The following WDFY1 variants were observed in gnomAD, a reference collection of about 807,000 sequenced individuals.
The protein encoded by WDFY1 is WD repeat and FYVE domain containing 1.
WDFY1 carries 32 observed loss-of-function variants against 56.4 expected under a neutral mutation model. That is an observed-to-expected ratio of 0.57 (90% CI 0.43 to 0.76). The LOEUF (loss-of-function observed/expected upper bound fraction) is 0.76, where lower values mean the gene tolerates loss of function less well. Among genes scored for constraint, WDFY1 ranks in the 30% least tolerant of loss-of-function variants. The probability of loss-of-function intolerance (pLI) is 0.00; values close to 1 mark genes in which losing one functional copy is unlikely to be tolerated. For synonymous variants in WDFY1, 192 were observed against 197.3 expected, an observed-to-expected ratio of 0.97 and a Z score of 0.23; for missense variants, 480 against 545.7, an observed-to-expected ratio of 0.88 and a Z score of 1.20.
chr2:223,927,746 G>A (rs11690082), intron 1 of WDFY1, among the ~76,000 whole-genome samples: 49,162 of 152,014 alleles, frequency 0.32, 9,390 homozygotes, highest in Non-Finnish European at 0.42. Context: ...CCTAGCTTTC[G>A]GCCTGTCTCA....
At chr2:223,888,878 G>C (rs757768664) in intron 8 of WDFY1, among the ~76,000 whole-genome samples, 1 of 146,422 alleles carries the variant, frequency 6.8e-6, no homozygotes, top group Admixed American at 7.0e-5. Flanking sequence ...GTGAGTCACC[G>C]TGCCTGGCCT....
rs1689241826 is a variant in WDFY1, at chr2:223,938,546, CA to C, written c.137+6601del. Among the ~76,000 whole-genome samples the C allele has an allele frequency of 2.0e-5, 3 of 152,276 alleles. No individual in the cohort carries two copies. In the South Asian group the frequency reaches 6.2e-4, roughly 32 times the overall value. On this transcript the variant is annotated intron_variant, in intron 1 of 11. Coordinates refer to ENST00000233055, the MANE Select transcript of WDFY1 (RefSeq NM_020830.5). ...GAGCTTAAGGTAATTATTACTTCAG[CA>C]AAATACTAATGACTTCATACAAGAA...
rs6733516 is a variant in WDFY1 at position 223,931,458 on chromosome 2, A to C, written c.138-13448T>G. ...GCTGAAAGATATGCCTGATGATCATAATAAGTAGAAGGATTCCTTTTTATT... is the reference window on the plus strand; with the variant it reads ...GCTGAAAGATATGCCTGATGATCATCATAAGTAGAAGGATTCCTTTTTATT... On this transcript the variant is annotated intron_variant, in intron 1 of 11. Transcript: ENST00000233055. Among the ~76,000 whole-genome samples the C allele has an allele frequency of 5.9e-5, 9 of 152,324 alleles. 1 individual carries two copies. In the South Asian group the frequency reaches 1.9e-3, roughly 32 times the overall value.
chr2:223,913,614 ACAAAT>A (rs1693739904), intron 2 of WDFY1, among the ~76,000 whole-genome samples: 1 of 152,234 alleles, frequency 6.6e-6, no homozygotes, highest in African/African-American at 2.4e-5. Context: ...CTTATCTTTG[ACAAAT>A]CAAATCATGC....
At chr2:223,906,887 CA>C (rs1350247268) in intron 3 of WDFY1, among the ~76,000 whole-genome samples, 1 of 151,476 alleles carries the variant, frequency 6.6e-6, no homozygotes, top group African/African-American at 2.4e-5. Flanking sequence ...TGTTTTATTG[CA>C]AAAAAATCAA....
Position 223,877,115 on chromosome 2 carries a change from G to A in WDFY1, c.*1556C>T, listed in dbSNP as rs1357301749. 6.6e-6 allele frequency: 1 copy of A among 152,140 alleles called. No individual in the cohort carries two copies. Among genetic ancestry groups the A allele is most frequent in the Non-Finnish European group, 1.5e-5 (1 of 68,038 alleles). 9.4% of individuals were successfully genotyped at this position (152,140 alleles called of 1,614,324 possible). A position where few individuals can be genotyped will look rare whatever the true frequency, so the allele number is the denominator to read the frequency against. On this transcript the variant is annotated 3_prime_UTR_variant, in exon 12 of 12. Transcript: ENST00000233055. ...TTTAATGCAGATCATTCCAGTACAT[G>A]ATGTGCGTGACCCCCTTTCCTTTCC... is the stretch of plus-strand genomic sequence containing the variant.
At chr2:223,884,794 T>C (rs1457209978) in intron 8 of WDFY1, 45 bp from the exon 9 acceptor site, 1 of 1,533,798 alleles carries the variant, frequency 6.5e-7, no homozygotes, top group Non-Finnish European at 9.0e-7. Context: ...TGTCTATATT[T>C]ACTCCCATGT....
At chr2:223,923,079 G>A (rs1166296762) in intron 1 of WDFY1, among the ~76,000 whole-genome samples, 2 of 152,202 alleles carry the variant, frequency 1.3e-5, no homozygotes, top group Non-Finnish European at 2.9e-5. Context: ...CCTTGTCTGG[G>A]AATCAGGTTC....
intron 1 of WDFY1, among the ~76,000 whole-genome samples, chr2:223,930,215 T>C (rs1470210986): frequency 2.0e-5 from 3 of 152,220 alleles, no homozygotes; most frequent in South Asian, 4.1e-4. Context: ...TAAGTGCCTG[T>C]GGTGAAACAA....
At chr2:223,929,159 A>G (rs1694033864) in intron 1 of WDFY1, among the ~76,000 whole-genome samples, 1 of 146,158 alleles carries the variant, frequency 6.8e-6, no homozygotes, top group South Asian at 2.2e-4. Context: ...GTCCCTGTCT[A>G]ACTTCTTTTT....
At chr2:223,901,012 G>T in intron 5 of WDFY1, 171 bp downstream of exon 5, 1 of 765,542 alleles carries the variant, frequency 1.3e-6, no homozygotes, top group Non-Finnish European at 1.9e-6. Flanking sequence ...AAAAGTAATT[G>T]CAATTTTTGC....
At chr2:223,891,782 C>G (rs1693283675) in intron 8 of WDFY1, among the ~76,000 whole-genome samples, 1 of 152,152 alleles carries the variant, frequency 6.6e-6, no homozygotes, top group African/African-American at 2.4e-5. Flanking sequence ...ACAGTCTCCT[C>G]CCCTCATCAT....
chr2:223,882,579 C>A (rs1693091983), intron 9 of WDFY1, among the ~76,000 whole-genome samples: 1 of 152,218 alleles, frequency 6.6e-6, no homozygotes, highest in African/African-American at 2.4e-5. Context: ...CTGTACTGGT[C>A]AAATGTTGCT....
intron 1 of WDFY1, among the ~76,000 whole-genome samples, chr2:223,931,919 C>T (rs1398144845): frequency 2.0e-5 from 3 of 151,944 alleles, no homozygotes; most frequent in Non-Finnish European, 4.4e-5. Flanking sequence ...CTCCTGGCCT[C>T]AAGTGGTCCA....
intron 3 of WDFY1, among the ~76,000 whole-genome samples, chr2:223,909,760 A>G (rs912209844): frequency 1.3e-5 from 2 of 152,100 alleles, no homozygotes; most frequent in African/African-American, 2.4e-5. Context: ...TCTCAACTCA[A>G]GTCCATCCAT....
At chr2:223,899,242 T>C in intron 5 of WDFY1, 172 bp from the exon 6 acceptor site, 1 of 538,146 alleles carries the variant, frequency 1.9e-6, no homozygotes, top group Non-Finnish European at 3.3e-6. Context: ...CTGAAAAGCA[T>C]GCAATATGTA....
intron 1 of WDFY1, among the ~76,000 whole-genome samples, chr2:223,934,357 C>T (rs1053519494): frequency 3.9e-5 from 6 of 152,042 alleles, no homozygotes; most frequent in African/African-American, 1.4e-4. Flanking sequence ...CCGCAAAGTG[C>T]TGGGATTACA....
chr2:223,930,225 ATT>A (rs1429978814), intron 1 of WDFY1, among the ~76,000 whole-genome samples: 1 of 152,224 alleles, frequency 6.6e-6, no homozygotes, highest in Non-Finnish European at 1.5e-5. Flanking sequence ...TGGTGAAACA[ATT>A]TAAAAAACAA....
intron 3 of WDFY1, 126 bp from the exon 4 acceptor site, chr2:223,906,127 G>A: frequency 1.5e-6 from 1 of 673,854 alleles, no homozygotes; most frequent in Non-Finnish European, 2.4e-6. Flanking sequence ...CTTAAGGCGA[G>A]TTATTTAGGA....
Sources: gnomAD v4.1 joint callset for allele counts (sites outside exome capture counted in the v4.1 genomes callset) on GRCh38, gnomAD v4.1.1 for gene constraint, MANE v1.5 for transcripts, NCBI Gene and HGNC (gene_info 2026-07-23, HGNC 2026-07-21) for gene names.